The following PRKD1 variants were observed in gnomAD, a reference collection of about 807,000 sequenced individuals.
PRKD1 encodes the protein serine/threonine-protein kinase D1.
In PRKD1, 63 loss-of-function variants were observed where a neutral mutation model predicts 95.9. The observed-to-expected ratio is 0.66, with a 90% CI of 0.54 to 0.81. The LOEUF is 0.81. PRKD1 is among the 30% of genes least tolerant of loss of function. The pLI, the probability that PRKD1 is intolerant of heterozygous loss-of-function variation, is 0.00. For missense variants in PRKD1, 1,048 were observed against 1,165.3 expected, an observed-to-expected ratio of 0.90 and a Z score of 1.47; for synonymous variants, 425 against 423.1, an observed-to-expected ratio of 1.00 and a Z score of -0.05.
intron 7 of PRKD1, 149 bp downstream of exon 7, chr14:29,636,141 G>T: frequency 3.2e-6 from 3 of 924,046 alleles, no homozygotes; most frequent in Non-Finnish European, 1.6e-6. Flanking sequence ...AACTTCAAAG[G>T]CTCTCATTTA....
intron 1 of PRKD1, among the ~76,000 whole-genome samples, chr14:29,893,346 A>G (rs989387257): frequency 7.2e-4 from 109 of 151,976 alleles, no homozygotes; most frequent in African/African-American, 2.5e-3. Context: ...TCTTTCTAAA[A>G]TAATTAGAAT....
chr14:29,839,248 T>C (rs376457035), intron 1 of PRKD1, among the ~76,000 whole-genome samples: 34 of 152,342 alleles, frequency 2.2e-4, no homozygotes, highest in African/African-American at 8.2e-4. Flanking sequence ...CCAAAACTTT[T>C]GCACCCAGAT....
chr14:29,863,251 TTC>T (rs1206920224), intron 1 of PRKD1, among the ~76,000 whole-genome samples: 1 of 152,200 alleles, frequency 6.6e-6, no homozygotes, highest in Non-Finnish European at 1.5e-5. Flanking sequence ...TTCAATATCA[TTC>T]TCTTTGTCTT....
chr14:29,623,140 A>G (rs568611799), intron 13 of PRKD1, among the ~76,000 whole-genome samples: 1 of 152,318 alleles, frequency 6.6e-6, no homozygotes, highest in East Asian at 1.9e-4. Context: ...TCCCCATGTA[A>G]GCAGAGAGCA....
At chr14:29,672,795 C>T (rs142759367) in intron 2 of PRKD1, among the ~76,000 whole-genome samples, 282 of 152,060 alleles carry the variant, frequency 1.9e-3, no homozygotes, top group African/African-American at 6.4e-3. Context: ...GAGAGATTCC[C>T]CAGGCAGTTT....
At chr14:29,738,857 C>G (rs1404504350) in intron 1 of PRKD1, among the ~76,000 whole-genome samples, 1 of 143,250 alleles carries the variant, frequency 7.0e-6, no homozygotes, top group Non-Finnish European at 1.5e-5. Flanking sequence ...GAGACAGAGT[C>G]TCACTCTGTT....
At chr14:29,745,388 C>T (rs1887167706) in intron 1 of PRKD1, among the ~76,000 whole-genome samples, 1 of 152,186 alleles carries the variant, frequency 6.6e-6, no homozygotes, top group African/African-American at 2.4e-5. Context: ...GCTCAGTATA[C>T]ATTGTTGAAT....
At chr14:29,825,150 T>C (rs1452907168) in intron 1 of PRKD1, among the ~76,000 whole-genome samples, 1 of 152,106 alleles carries the variant, frequency 6.6e-6, no homozygotes, top group Non-Finnish European at 1.5e-5. Context: ...TATGTGGTCT[T>C]TCTTGAGTTT....
chr14:29,753,075 A>G (rs1423504706), intron 1 of PRKD1, among the ~76,000 whole-genome samples: 1 of 152,124 alleles, frequency 6.6e-6, no homozygotes, highest in Non-Finnish European at 1.5e-5. Context: ...AGAAAGGGGG[A>G]AAATGCAAAT....
chr14:29,722,800 C>T (rs141913036), intron 2 of PRKD1, among the ~76,000 whole-genome samples: 418 of 152,188 alleles, frequency 2.7e-3, no homozygotes, highest in Admixed American at 8.5e-3. Context: ...GCAGGCCCTG[C>T]CCGGGTATAC....
At position 29,806,094 on chromosome 14, in the gene PRKD1, G is replaced by T. The variant is rs45533835; in HGVS notation, c.265-80420C>A. On this transcript the variant is annotated intron_variant, in intron 1 of 17. Coordinates refer to ENST00000331968, the MANE Select transcript of PRKD1 (RefSeq NM_002742.3). ...ATAAATGCCCAGGAGAGGAAAGCAA[G>T]GCAAGAAGCGGATCTCATCAACCAC... Among the ~76,000 whole-genome samples, 400 of 152,190 alleles carry T rather than the reference G, an allele frequency of 2.6e-3. 1 individual carries two copies. Among genetic ancestry groups the T allele is most frequent in the African/African-American group, 9.3e-3 (386 of 41,512 alleles).
intron 2 of PRKD1, among the ~76,000 whole-genome samples, chr14:29,675,945 C>T (rs1274520843): frequency 4.7e-5 from 6 of 128,462 alleles, no homozygotes; most frequent in Non-Finnish European, 9.2e-5. Flanking sequence ...CACTTGGACA[C>T]AGGAAGGGGA....
At chr14:29,803,107 T>C (rs369147777) in intron 1 of PRKD1, among the ~76,000 whole-genome samples, 2 of 152,208 alleles carry the variant, frequency 1.3e-5, no homozygotes, top group African/African-American at 2.4e-5. Flanking sequence ...ATTTGGTTCA[T>C]ACCTGAGTGT....
At chr14:29,722,832 A>G (rs1463696203) in intron 2 of PRKD1, among the ~76,000 whole-genome samples, 2 of 152,196 alleles carry the variant, frequency 1.3e-5, no homozygotes, top group African/African-American at 4.8e-5. Context: ...AACTCCATCA[A>G]AGTGTGGTGT....
At chr14:29,858,829 A>C (rs1892601477) in intron 1 of PRKD1, among the ~76,000 whole-genome samples, 1 of 151,874 alleles carries the variant, frequency 6.6e-6, no homozygotes, top group Non-Finnish European at 1.5e-5. Flanking sequence ...AAAAACAAAA[A>C]CAAAAAACTC....
chr14:29,759,852 T>C (rs1887892445), intron 1 of PRKD1, among the ~76,000 whole-genome samples: 1 of 152,234 alleles, frequency 6.6e-6, no homozygotes, highest in South Asian at 2.1e-4. Context: ...TCTGTATGTA[T>C]ATTCTCATTT....
intron 4 of PRKD1, among the ~76,000 whole-genome samples, chr14:29,651,092 ACACGCT>A (rs936456478): frequency 6.6e-6 from 1 of 152,236 alleles, no homozygotes; most frequent in African/African-American, 2.4e-5. Context: ...GTCTGTGTGT[ACACGCT>A]CATGTGCTTC....
chr14:29,850,483 T>TACACAC (rs1050240111), intron 1 of PRKD1, among the ~76,000 whole-genome samples: 4 of 146,464 alleles, frequency 2.7e-5, no homozygotes, highest in Non-Finnish European at 6.1e-5. Flanking sequence ...CACACACATA[T>TACACAC]ACACACACAC....
At chr14:29,893,936 A>C (rs1262961456) in intron 1 of PRKD1, among the ~76,000 whole-genome samples, 1 of 152,232 alleles carries the variant, frequency 6.6e-6, no homozygotes, top group Non-Finnish European at 1.5e-5. Flanking sequence ...ACTTAGATTT[A>C]AAAGAAATAC....
Sources: allele counts gnomAD v4.1 joint callset (sites outside exome capture counted in the v4.1 genomes callset), GRCh38; gene constraint gnomAD v4.1.1; transcripts MANE v1.5; gene names NCBI Gene and HGNC (gene_info 2026-07-23, HGNC 2026-07-21).